Variants in SSH3 observed in about 807,000 individuals in gnomAD.
The protein encoded by SSH3 is protein phosphatase Slingshot homolog 3.
SSH3 carries 67 observed loss-of-function variants against 75.0 expected under a neutral mutation model. That is an observed-to-expected ratio of 0.89 (90% CI 0.73 to 1.10). The LOEUF (loss-of-function observed/expected upper bound fraction) is 1.10, where lower values mean the gene tolerates loss of function less well. SSH3 is among the 50% of genes least tolerant of loss of function. SSH3 has a pLI of 0.00. For synonymous variants in SSH3, 318 were observed against 349.2 expected (o/e 0.91, Z 1.00); for missense variants, 824 against 872.7 (o/e 0.94, Z 0.70).
Position 67,311,591 on chromosome 11 carries a change from G to T in SSH3, c.1684G>T (p.Val562Phe), listed in dbSNP as rs374001517. The T allele has an allele frequency of 1.1e-5, 17 of 1,613,842 alleles. No homozygotes were observed. Among genetic ancestry groups the T allele is most frequent in the Middle Eastern group, 1.6e-4 (1 of 6,078 alleles). The change falls in exon 14 of 14, where the codon GTC becomes TTC. Residue 562 changes from valine (V) to phenylalanine (F), a missense_variant and splice_region_variant. By Grantham distance (50) the Val-to-Phe change is conservative. Coordinates refer to ENST00000308127, the MANE Select transcript of SSH3 (RefSeq NM_017857.4). ...STSETSDMPE[V>F]FSSHESSHEE... ...CTTCCGTATCCTCACACCTGTCCAG[G>T]TCTTCTCTTCCCACGAGTCTTCACA... is the stretch of plus-strand genomic sequence containing the variant.
At chr11:67,303,963 G>A in intron 1 of SSH3, 155 bp from the exon 2 acceptor site, 1 of 1,047,328 alleles carries the variant, frequency 9.5e-7, no homozygotes. Flanking sequence ...TTGGGCCGGG[G>A]CTCCACGGGG....
rs12272826 is a variant in SSH3 at position 67,307,776 on chromosome 11, G to A, written c.791+39G>A. Reference sequence around the variant, plus strand: ...GGGGAGGGACTGGGTGGAGGGGAAGGCAGGATAATGCAGTGGGGGGCATGG... The same window carrying A: ...GGGGAGGGACTGGGTGGAGGGGAAGACAGGATAATGCAGTGGGGGGCATGG... On this transcript the variant is annotated intron_variant, in intron 7 of 13. Coordinates refer to ENST00000308127, the MANE Select transcript of SSH3 (RefSeq NM_017857.4). This position sits in a 1 kb window ranked among gnomAD's most constrained non-coding sequence, Gnocchi z 4.2. 0.013 allele frequency: 20,216 copies of A among 1,613,768 alleles called. 2,215 individuals are homozygous for A. In the African/African-American group the frequency reaches 0.24, roughly 19 times the overall value.
intron 13 of SSH3, among the ~76,000 whole-genome samples, chr11:67,311,202 G>A (rs944274857): frequency 2.6e-5 from 4 of 152,172 alleles, no homozygotes; most frequent in African/African-American, 9.7e-5. Context: ...CCGGACGCAC[G>A]CATCCACCCA....
Position 67,309,397 on chromosome 11 carries a change from G to T in SSH3, c.1062G>T (p.Arg354Ser). The change falls in exon 11 of 14, where the codon AGG (arginine) becomes AGT (serine). Residue 354 changes from arginine (R) to serine (S), a missense_variant and splice_region_variant. By Grantham distance (110) the Arg-to-Ser change is moderately radical (BLOSUM62 -1). Transcript: ENST00000308127. ...AANLEELQRN[R>S]VTHILNMARE... ...CCTGGCCTTGGGCCCTCTGGGACAGGGTCACCCACATCTTGAACATGGCCC... is the reference window on the plus strand; with the variant it reads ...CCTGGCCTTGGGCCCTCTGGGACAGTGTCACCCACATCTTGAACATGGCCC... The T allele has an allele frequency of 6.2e-7, 1 of 1,614,176 alleles. No individual in the cohort carries two copies. Among genetic ancestry groups the T allele is most frequent in the Non-Finnish European group, 8.5e-7 (1 of 1,180,038 alleles).
In SSH3 at chr11:67,308,273, G is replaced by A; in HGVS notation, c.985G>A (p.Ala329Thr). The A allele has an allele frequency of 6.2e-7, 1 of 1,614,140 alleles. No individual in the cohort carries two copies. The highest frequency in any genetic ancestry group is 8.5e-7 in the Non-Finnish European group (1 of 1,180,030). ...GCTGCTGGTGGCACAGCGGGACCGAGCCTCCCGCATCTTCCCCCACCTCTA... is the reference window on the plus strand; with the variant it reads ...GCTGCTGGTGGCACAGCGGGACCGAACCTCCCGCATCTTCCCCCACCTCTA... ...MLLLVAQRDR[A>T]SRIFPHLYLG... Residue 329 changes from alanine to threonine, a missense_variant, in exon 9 of 14, where the codon GCC becomes ACC. Coordinates refer to ENST00000308127, the MANE Select transcript of SSH3 (RefSeq NM_017857.4). This position sits in a 1 kb window ranked among gnomAD's most constrained non-coding sequence, Gnocchi z 4.9.
chr11:67,303,811 G>A, intron 1 of SSH3, 120 bp downstream of exon 1: 2 of 1,049,612 alleles, frequency 1.9e-6, no homozygotes, highest in South Asian at 3.7e-5. Context: ...CGGGGCTCGG[G>A]CTGGAGGGCG....
In SSH3 at chr11:67,311,615, C is replaced by T. The variant is rs1394641933; in HGVS notation, c.1708C>T (p.His570Tyr). Residue 570 changes from histidine to tyrosine, a missense_variant, in exon 14 of 14, where the codon CAT (histidine) becomes TAT (tyrosine). By Grantham distance (83) the His-to-Tyr change is moderately conservative (BLOSUM62 2). Coordinates refer to ENST00000308127, the MANE Select transcript of SSH3 (RefSeq NM_017857.4). ...PEVFSSHESS[H>Y]EEPLQPFPQL... ...GGTCTTCTCTTCCCACGAGTCTTCA[C>T]ATGAAGAGCCTCTGCAGCCCTTCCC... is the stretch of plus-strand genomic sequence containing the variant. The T allele has an allele frequency of 1.9e-6, 3 of 1,613,982 alleles. No homozygotes were observed. The highest frequency in any genetic ancestry group is 2.7e-5 in the African/African-American group (2 of 74,938).
In SSH3 at chr11:67,309,866, TGG is replaced by T; in HGVS notation, c.1308_1309del (p.Glu437AlafsTer55). 6.2e-7 allele frequency: 1 copy of T among 1,613,010 alleles called. No individual in the cohort carries two copies. The highest frequency in any genetic ancestry group is 8.5e-7 in the Non-Finnish European group (1 of 1,180,022). On this transcript the variant is annotated frameshift_variant, in exon 12 of 14. Transcript: ENST00000308127. Reference sequence around the variant, plus strand: ...GCCATGAAGCAGTACGAATGCAGCCTGGAGCAGGCCCTGCGCCACGTGCAGGA... The same window carrying T: ...GCCATGAAGCAGTACGAATGCAGCCTAGCAGGCCCTGCGCCACGTGCAGGA...
intron 13 of SSH3, among the ~76,000 whole-genome samples, chr11:67,311,079 G>A (rs1484559664): frequency 1.3e-5 from 2 of 152,220 alleles, no homozygotes; most frequent in Non-Finnish European, 2.9e-5. Context: ...CTGAGGGCAG[G>A]AACATTTGGG....
At position 67,307,257 on chromosome 11, in the gene SSH3, G is replaced by A; in HGVS notation, c.537-114G>A. 1 of 1,562,980 alleles carries A rather than the reference G, an allele frequency of 6.4e-7. No homozygotes were observed. On this transcript the variant is annotated intron_variant, in intron 5 of 13. Transcript: ENST00000308127. The surrounding 1 kb of genome is among the most constrained non-coding windows in gnomAD (Gnocchi z 4.2). ...CCCAGCTCCACGTCAGATTCACCGTGATCCTGAGCAAGGCACCTGACTCCT... is the reference window on the plus strand; with the variant it reads ...CCCAGCTCCACGTCAGATTCACCGTAATCCTGAGCAAGGCACCTGACTCCT...
At position 67,306,856 on chromosome 11, in the gene SSH3, C is replaced by T. The variant is rs756963732; in HGVS notation, c.358C>T (p.Pro120Ser). ...DIRLAAQLEA[P>S]RPPRLRYLLV... The stretch of plus-strand genomic sequence containing the variant: ...CCCCCAGGCAGCCCAGCTGGAGGCA[C>T]CCCGGCCTCCCCGGCTCCGCTACCT... Residue 120 changes from proline to serine, a missense_variant, in exon 4 of 14, where the codon CCC becomes TCC. Pro to Ser is a moderately conservative substitution (Grantham distance 74). Coordinates refer to ENST00000308127, the MANE Select transcript of SSH3 (RefSeq NM_017857.4). The T allele has an allele frequency of 6.2e-7, 1 of 1,612,260 alleles. No individual in the cohort carries two copies. The highest frequency in any genetic ancestry group is 8.5e-7 in the Non-Finnish European group (1 of 1,178,944).
Position 67,312,170 on chromosome 11 carries a change from C to T in SSH3, c.*283C>T. ...GGACTGAAGGTACCTTTGGGGGCAACAGCACCCTAGTTTCATTCTCAACTC... is the reference window on the plus strand; with the variant it reads ...GGACTGAAGGTACCTTTGGGGGCAATAGCACCCTAGTTTCATTCTCAACTC... On this transcript the variant is annotated 3_prime_UTR_variant, in exon 14 of 14. Coordinates refer to ENST00000308127, the MANE Select transcript of SSH3 (RefSeq NM_017857.4). 2.0e-6 allele frequency: 1 copy of T among 512,378 alleles called. No individual in the cohort carries two copies. Among genetic ancestry groups the T allele is most frequent in the Non-Finnish European group, 3.5e-6 (1 of 289,278 alleles). 31.7% of individuals were successfully genotyped at this position (512,378 alleles called of 1,614,324 possible). A position where few individuals can be genotyped will look rare whatever the true frequency, so the allele number is the denominator to read the frequency against.
In SSH3 at chr11:67,308,823, G is replaced by A. The variant is rs1861330294; in HGVS notation, c.1061+365G>A. On this transcript the variant is annotated intron_variant, in intron 10 of 13. Coordinates refer to ENST00000308127, the MANE Select transcript of SSH3 (RefSeq NM_017857.4). The surrounding 1 kb of genome is among the most constrained non-coding windows in gnomAD (Gnocchi z 4.9). ...AGCTACTTGGGAGGCTGAGGCAGGAGGATCGCTTGAGCCCTGGAGATTGAG... is the reference window on the plus strand; with the variant it reads ...AGCTACTTGGGAGGCTGAGGCAGGAAGATCGCTTGAGCCCTGGAGATTGAG... Among the ~76,000 whole-genome samples, 1 of 152,110 alleles carries A rather than the reference G, an allele frequency of 6.6e-6. No individual in the cohort carries two copies.
rs1366315868 is a variant in SSH3, at chr11:67,308,231, A to G, written c.943A>G (p.Ile315Val). 6.2e-7 allele frequency: 1 copy of G among 1,614,098 alleles called. No individual in the cohort carries two copies. The highest frequency in any genetic ancestry group is 2.2e-5 in the East Asian group (1 of 44,884). Residue 315 changes from isoleucine (I) to valine (V), a missense_variant, in exon 9 of 14, where the codon ATC becomes GTC. Physicochemically the swap from Ile to Val is conservative, Grantham distance 29. Coordinates refer to ENST00000308127, the MANE Select transcript of SSH3 (RefSeq NM_017857.4). This position sits in a 1 kb window ranked among gnomAD's most constrained non-coding sequence, Gnocchi z 4.9. ...GLPLQQYRDF[I>V]DNQMLLLVAQ... ...CCCCCTCCAGCAGTACCGTGACTTC[A>G]TCGACAACCAGATGCTGCTGCTGGT... is the stretch of plus-strand genomic sequence containing the variant.
Position 67,308,589 on chromosome 11 carries a change from C to T in SSH3, c.1061+131C>T. Reference sequence around the variant, plus strand: ...CTGCTAGCTCTGCTTCTAACTCTGTCCTGGGGCTGTTGCCCTGGTGTGGGC... The same window carrying T: ...CTGCTAGCTCTGCTTCTAACTCTGTTCTGGGGCTGTTGCCCTGGTGTGGGC... On this transcript the variant is annotated intron_variant, in intron 10 of 13. Transcript: ENST00000308127. This position sits in a 1 kb window ranked among gnomAD's most constrained non-coding sequence, Gnocchi z 4.9. 2 of 1,336,230 alleles carry T rather than the reference C, an allele frequency of 1.5e-6. No homozygotes were observed. The highest frequency in any genetic ancestry group is 1.4e-5 in the South Asian group (1 of 72,452). 82.8% of individuals were successfully genotyped at this position (1,336,230 alleles called of 1,614,324 possible).
At position 67,307,981 on chromosome 11, in the gene SSH3, C is replaced by A. The variant is rs1270718189; in HGVS notation, c.885+42C>A. ...GGGACTGAGTCCCCTCTAGCAGGGGCTGCAAGCTTGCCTTTCCTGGGAGCC... is the reference window on the plus strand; with the variant it reads ...GGGACTGAGTCCCCTCTAGCAGGGGATGCAAGCTTGCCTTTCCTGGGAGCC... On this transcript the variant is annotated intron_variant, in intron 8 of 13. Transcript: ENST00000308127. This position sits in a 1 kb window ranked among gnomAD's most constrained non-coding sequence, Gnocchi z 4.2. 1 of 1,611,630 alleles carries A rather than the reference C, an allele frequency of 6.2e-7. No individual in the cohort carries two copies. Among genetic ancestry groups the A allele is most frequent in the Non-Finnish European group, 8.5e-7 (1 of 1,178,296 alleles).
chr11:67,304,730 A>G, intron 2 of SSH3, 43 bp from the exon 3 acceptor site: 1 of 1,547,060 alleles, frequency 6.5e-7, no homozygotes, highest in South Asian at 1.2e-5. Flanking sequence ...CCCCTACCCT[A>G]AGGGGAATGA....
rs1340207620 is a variant in SSH3, at chr11:67,311,625, C to T, written c.1718C>T (p.Pro573Leu). The T allele has an allele frequency of 1.9e-6, 3 of 1,613,990 alleles. No homozygotes were observed. Among genetic ancestry groups the T allele is most frequent in the Non-Finnish European group, 2.5e-6 (3 of 1,180,032 alleles). Residue 573 changes from proline (P) to leucine (L), a missense_variant, in exon 14 of 14, where the codon CCT (proline) becomes CTT (leucine). Coordinates refer to ENST00000308127, the MANE Select transcript of SSH3 (RefSeq NM_017857.4). ...TCCCACGAGTCTTCACATGAAGAGC[C>T]TCTGCAGCCCTTCCCACAGCTTGCA... Reference protein sequence around the residue: ...FSSHESSHEEPLQPFPQLART... With the variant: ...FSSHESSHEELLQPFPQLART...
chr11:67,304,229 G>T (rs1257280050), intron 2 of SSH3, 74 bp downstream of exon 2: 3 of 1,225,222 alleles, frequency 2.4e-6, no homozygotes, highest in Admixed American at 4.2e-5. Context: ...GGCTCCAGCT[G>T]CAGGGACAGA....
Sources: gnomAD v4.1 joint callset for allele counts (sites outside exome capture counted in the v4.1 genomes callset) on GRCh38, gnomAD v4.1.1 for gene constraint, Gnocchi (gnomAD v3.1) non-coding constraint, MANE v1.5 for transcripts, NCBI Gene and HGNC (gene_info 2026-07-23, HGNC 2026-07-21) for gene names.